SMARCAL1: variants seen among roughly 807,000 people sequenced by gnomAD.
The protein encoded by SMARCAL1 is SNF2 related chromatin remodeling annealing helicase 1.
SMARCAL1 carries 58 observed loss-of-function variants against 94.5 expected under a neutral mutation model. The ratio of observed to expected loss-of-function variants is 0.61; its 90% CI spans 0.50 to 0.76. The LOEUF (loss-of-function observed/expected upper bound fraction) is 0.76. SMARCAL1 is among the 30% of genes least tolerant of loss of function. The pLI is 0.00. For synonymous variants in SMARCAL1, 422 were observed against 455.1 expected (o/e 0.93, Z 0.93); for missense variants, 1,051 against 1,177.9 (o/e 0.89, Z 1.58).
At chr2:216,422,345 A>G (rs995117703) in intron 5 of SMARCAL1, among the ~76,000 whole-genome samples, 2 of 152,108 alleles carry the variant, frequency 1.3e-5, no homozygotes, top group Non-Finnish European at 2.9e-5. Flanking sequence ...GCACCACTGC[A>G]CTCCAGCCTG....
intron 11 of SMARCAL1, among the ~76,000 whole-genome samples, chr2:216,447,559 C>A (rs1484478519): frequency 1.3e-5 from 2 of 150,870 alleles, no homozygotes; most frequent in East Asian, 3.9e-4. Context: ...CTGAGGTGAG[C>A]TAGGAGTGAG....
intron 12 of SMARCAL1, among the ~76,000 whole-genome samples, chr2:216,452,885 G>A (rs1694480851): frequency 6.6e-6 from 1 of 152,158 alleles, no homozygotes; most frequent in Non-Finnish European, 1.5e-5. Context: ...GCTTGTTGGT[G>A]ATGCTATGAA....
chr2:216,435,785 T>G (rs1212361721), intron 9 of SMARCAL1, among the ~76,000 whole-genome samples: 2 of 152,046 alleles, frequency 1.3e-5, no homozygotes, highest in African/African-American at 4.8e-5. Flanking sequence ...GACTCATGGA[T>G]GGAGGCCAGC....
At chr2:216,450,312 A>G (rs1287642300) in intron 11 of SMARCAL1, among the ~76,000 whole-genome samples, 1 of 152,242 alleles carries the variant, frequency 6.6e-6, no homozygotes, top group Non-Finnish European at 1.5e-5. Flanking sequence ...CCCAGCTGCC[A>G]TCTACAACAA....
chr2:216,464,648 G>T lies in SMARCAL1; in HGVS notation c.2122G>T (p.Ala708Ser). ...LILFFNRTAE[A>S]KIPSVIEYIL... is the part of the protein sequence containing the mutation. Reference sequence around the variant, plus strand: ...TCTCTTCTTCAACAGAACAGCTGAAGCTAAAATCCCATCTGTCATGTAAGT... The same window carrying T: ...TCTCTTCTTCAACAGAACAGCTGAATCTAAAATCCCATCTGTCATGTAAGT... The change falls in exon 13 of 18, where the codon GCT (alanine) becomes TCT (serine). Residue 708 changes from alanine to serine, a missense_variant. Physicochemically the swap from Ala to Ser is moderately conservative, Grantham distance 99 (BLOSUM62 1). Transcript: ENST00000357276. 1 of 1,611,690 alleles carries T rather than the reference G, an allele frequency of 6.2e-7. No individual in the cohort carries two copies. The highest frequency in any genetic ancestry group is 8.5e-7 in the Non-Finnish European group (1 of 1,178,986).
At position 216,414,884 on chromosome 2, in the gene SMARCAL1, G is replaced by C. The variant is rs1279089601; in HGVS notation, c.180G>C (p.Glu60Asp). The C allele has an allele frequency of 1.2e-6, 2 of 1,614,090 alleles. No homozygotes were observed. The highest frequency in any genetic ancestry group is 2.7e-5 in the African/African-American group (2 of 74,918). The change falls in exon 3 of 18, where the codon GAG (glutamate) becomes GAC (aspartate). Residue 60 changes from glutamate to aspartate, a missense_variant. Coordinates refer to ENST00000357276, the MANE Select transcript of SMARCAL1 (RefSeq NM_014140.4). The part of the protein sequence containing the change: ...KQGPSQNFPR[E>D]SCKPVSHGVI... ...GCCCATCCCAAAATTTCCCAAGGGA[G>C]TCTTGTAAGCCAGTGAGCCATGGTG...
intron 11 of SMARCAL1, among the ~76,000 whole-genome samples, chr2:216,448,789 G>A (rs1694376660): frequency 6.6e-6 from 1 of 151,630 alleles, no homozygotes; most frequent in Non-Finnish European, 1.5e-5. Context: ...CCAAGGTCAT[G>A]CCACTGCACT....
intron 1 of SMARCAL1, chr2:216,412,937 G>A (rs1693498260): frequency 1.3e-5 from 2 of 152,442 alleles, no homozygotes; most frequent in African/African-American, 2.4e-5. Context: ...AGTCTCTCTG[G>A]TTAGTGGAGA....
At chr2:216,413,735 G>C (rs1693519090) in intron 1 of SMARCAL1, 121 bp from the exon 2 acceptor site, 1 of 152,168 alleles carries the variant, frequency 6.6e-6, no homozygotes, top group Non-Finnish European at 1.5e-5. Context: ...AAGGCCAGCT[G>C]CTCTGGCTTG....
chr2:216,419,342 C>T (rs1420620517), intron 4 of SMARCAL1, among the ~76,000 whole-genome samples: 1 of 152,240 alleles, frequency 6.6e-6, no homozygotes, highest in East Asian at 1.9e-4. Context: ...ATTGGCTACA[C>T]TACCCTCTTC....
chr2:216,416,175 A>G (rs1693596881), intron 3 of SMARCAL1, 82 bp from the exon 4 acceptor site: 2 of 1,208,310 alleles, frequency 1.7e-6, no homozygotes, highest in Admixed American at 1.7e-5. Flanking sequence ...GGCGTCCTTC[A>G]TTCATTCATT....
intron 6 of SMARCAL1, among the ~76,000 whole-genome samples, chr2:216,425,473 G>C (rs375718710): frequency 6.6e-6 from 1 of 152,224 alleles, no homozygotes; most frequent in Non-Finnish European, 1.5e-5. Context: ...GGAGTCCCAA[G>C]GTCTGGGCTC....
intron 7 of SMARCAL1, among the ~76,000 whole-genome samples, chr2:216,430,968 C>T (rs376590119): frequency 2.7e-4 from 41 of 152,372 alleles, no homozygotes; most frequent in East Asian, 1.9e-3. Flanking sequence ...GAGGAGGCTG[C>T]GCCTGTTCTG....
Position 216,475,228 on chromosome 2 carries a change from G to C in SMARCAL1, c.2245-41G>C, listed in dbSNP as rs755954845. ...GGGTGTGGTTTGCTGAGAAGCCCCC[G>C]GGGCTGTTGCCCACCTTGCTTCTGC... On this transcript the variant is annotated intron_variant, in intron 14 of 17. Coordinates refer to ENST00000357276, the MANE Select transcript of SMARCAL1 (RefSeq NM_014140.4). The surrounding 1 kb of genome is among the most constrained non-coding windows in gnomAD (Gnocchi z 4.4). 1.2e-6 allele frequency: 2 copies of C among 1,610,574 alleles called. No individual in the cohort carries two copies. The highest frequency in any genetic ancestry group is 1.7e-6 in the Non-Finnish European group (2 of 1,178,132).
At chr2:216,470,918 T>G (rs79128248) in intron 14 of SMARCAL1, among the ~76,000 whole-genome samples, 162 of 150,554 alleles carry the variant, frequency 1.1e-3, no homozygotes, top group African/African-American at 3.8e-3. Context: ...GTTGGAAGAC[T>G]TGTCCCTTCA....
chr2:216,439,373 G>T (rs1166251901), intron 10 of SMARCAL1, among the ~76,000 whole-genome samples: 1 of 152,052 alleles, frequency 6.6e-6, no homozygotes, highest in African/African-American at 2.4e-5. Flanking sequence ...GGAAGGAGAA[G>T]TACAATTAGA....
At chr2:216,422,240 C>T (rs1178557227) in intron 5 of SMARCAL1, among the ~76,000 whole-genome samples, 1 of 152,074 alleles carries the variant, frequency 6.6e-6, no homozygotes, top group Non-Finnish European at 1.5e-5. Context: ...ACTAGCCAGG[C>T]GTGGTGGTGC....
intron 7 of SMARCAL1, among the ~76,000 whole-genome samples, chr2:216,429,101 C>G (rs12621359): frequency 0.019 from 2,824 of 152,336 alleles, 93 homozygotes; most frequent in East Asian, 0.16. Flanking sequence ...AGGCTGCTCT[C>G]CTCTCTCAGA....
intron 5 of SMARCAL1, among the ~76,000 whole-genome samples, chr2:216,423,006 G>C (rs374047494): frequency 3.3e-5 from 5 of 152,168 alleles, no homozygotes; most frequent in East Asian, 1.9e-4. Context: ...ACTTTTATAA[G>C]CATTTTCCTT....
Sources: allele counts gnomAD v4.1 joint callset (sites outside exome capture counted in the v4.1 genomes callset), GRCh38; gene constraint gnomAD v4.1.1; non-coding constraint Gnocchi (gnomAD v3.1); transcripts MANE v1.5; gene names NCBI Gene and HGNC (gene_info 2026-07-23, HGNC 2026-07-21).